Variants in PCYOX1 observed in about 807,000 individuals in gnomAD.
PCYOX1 encodes prenylcysteine lyase.
PCYOX1 carries 46 observed loss-of-function variants against 46.4 expected under a neutral mutation model. That is an observed-to-expected ratio of 0.99 (90% CI 0.78 to 1.27). The LOEUF is 1.27. PCYOX1 is among the 50% of genes most tolerant of loss of function. The pLI is 0.00. For missense variants in PCYOX1, 658 were observed against 628.3 expected (o/e 1.05, Z -0.51); for synonymous variants, 220 against 231.8 (o/e 0.95, Z 0.46).
At chr2:70,272,528 G>A (rs575692769) in intron 3 of PCYOX1, among the ~76,000 whole-genome samples, 1 of 152,068 alleles carries the variant, frequency 6.6e-6, no homozygotes, top group Non-Finnish European at 1.5e-5. Flanking sequence ...TGTCACCCAG[G>A]CTGGAGTATA....
At chr2:70,272,533 A>C (rs1413561195) in intron 3 of PCYOX1, among the ~76,000 whole-genome samples, 1 of 151,954 alleles carries the variant, frequency 6.6e-6, no homozygotes, top group Non-Finnish European at 1.5e-5. Context: ...CCCAGGCTGG[A>C]GTATATTGGC....
At chr2:70,262,908 G>A (rs1309853209) in intron 3 of PCYOX1, among the ~76,000 whole-genome samples, 1 of 141,298 alleles carries the variant, frequency 7.1e-6, no homozygotes, top group African/African-American at 2.6e-5. Context: ...AACAAAACAT[G>A]TCATATGACC....
At position 70,275,139 on chromosome 2, in the gene PCYOX1, T is replaced by C. The variant is rs768822629; in HGVS notation, c.675T>C (p.Tyr225=). ...TTGCTCCTGTTATGAGGGTCAATTA[T>C]GGCCAAAGCACGGACATCAATGCCT... is the stretch of plus-strand genomic sequence containing the variant. ...EMIAPVMRVN[Y]GQSTDINAFV... The change falls in exon 4 of 6, where the codon TAT becomes TAC. Residue 225 remains tyrosine, a synonymous_variant. Coordinates refer to ENST00000433351, the MANE Select transcript of PCYOX1 (RefSeq NM_016297.4). 4 of 1,614,168 alleles carry C rather than the reference T, an allele frequency of 2.5e-6. No homozygotes were observed. In the East Asian group the frequency reaches 6.7e-5, roughly 27 times the overall value.
At chr2:70,275,246 T>A in intron 4 of PCYOX1, 76 bp downstream of exon 4, 1 of 1,269,356 alleles carries the variant, frequency 7.9e-7, no homozygotes, top group Non-Finnish European at 1.2e-6. Flanking sequence ...GTTCCTGACT[T>A]TAGGCTGTGG....
At chr2:70,258,116 TG>T, upstream of PCYOX1, 1 of 1,427,220 alleles carries the variant, frequency 7.0e-7, no homozygotes, top group Non-Finnish European at 9.5e-7. Context: ...CGCGCAGCGG[TG>T]GGAGGACTGC....
chr2:70,263,687 T>G (rs1696472521), intron 3 of PCYOX1, among the ~76,000 whole-genome samples: 1 of 151,092 alleles, frequency 6.6e-6, no homozygotes, highest in African/African-American at 2.4e-5. Flanking sequence ...TGAGATAGAG[T>G]CTCGTTTTGT....
rs1186486875 is a variant in PCYOX1 at position 70,277,593 on chromosome 2, AT to A, written c.*204del. 8.2e-6 allele frequency: 4 copies of A among 486,840 alleles called. No individual in the cohort carries two copies. The highest frequency in any genetic ancestry group is 2.0e-5 in the African/African-American group (1 of 51,090). 30.2% of individuals were successfully genotyped at this position (486,840 alleles called of 1,614,324 possible). On this transcript the variant is annotated 3_prime_UTR_variant, in exon 6 of 6. Coordinates refer to ENST00000433351, the MANE Select transcript of PCYOX1 (RefSeq NM_016297.4). Reference sequence around the variant, plus strand: ...CTATTGCACTTATGCCATCTCCAAAATTTCTTAAGTATTCTTTCACTATCCA... The same window carrying A: ...CTATTGCACTTATGCCATCTCCAAAATTCTTAAGTATTCTTTCACTATCCA...
At chr2:70,271,375 G>A (rs1696598510) in intron 3 of PCYOX1, among the ~76,000 whole-genome samples, 2 of 150,068 alleles carry the variant, frequency 1.3e-5, no homozygotes, top group South Asian at 4.2e-4. Context: ...AGTCAACACA[G>A]TCATTACTAC....
intron 3 of PCYOX1, among the ~76,000 whole-genome samples, chr2:70,272,969 A>G (rs575432746): frequency 6.6e-6 from 1 of 152,260 alleles, no homozygotes; most frequent in South Asian, 2.1e-4. Flanking sequence ...AAGTGCTAGG[A>G]TTACAGGCAT....
intron 1 of PCYOX1, 24 bp downstream of exon 1, chr2:70,258,300 G>A (rs1696377647): frequency 1.3e-6 from 2 of 1,492,258 alleles, no homozygotes; most frequent in Non-Finnish European, 1.8e-6. Flanking sequence ...GGGCGGCGCG[G>A]GAAGGTGCTG....
intron 3 of PCYOX1, among the ~76,000 whole-genome samples, chr2:70,268,045 G>A (rs1696552720): frequency 6.6e-6 from 1 of 151,906 alleles, no homozygotes; most frequent in Non-Finnish European, 1.5e-5. Flanking sequence ...TCCTGACCTC[G>A]TGATCCACCC....
At chr2:70,257,995 C>G (rs1396134452), upstream of PCYOX1, 2 of 488,554 alleles carry the variant, frequency 4.1e-6, no homozygotes, top group East Asian at 3.8e-5. Flanking sequence ...TGGGGAGCTC[C>G]TGCAGGGTTG....
At chr2:70,262,161 T>C (rs541440482) in intron 3 of PCYOX1, among the ~76,000 whole-genome samples, 1 of 152,302 alleles carries the variant, frequency 6.6e-6, no homozygotes, top group South Asian at 2.1e-4. Context: ...TCTAGTTTTT[T>C]AGTTTTTTTG....
At chr2:70,276,609 ATCTT>A (rs1696675631) in intron 5 of PCYOX1, 121 bp from the exon 6 acceptor site, 4 of 628,446 alleles carry the variant, frequency 6.4e-6, no homozygotes, top group Non-Finnish European at 1.1e-5. Flanking sequence ...AGGGACAACT[ATCTT>A]AAGGGATATA....
At chr2:70,276,475 A>C (rs1332495767) in intron 5 of PCYOX1, among the ~76,000 whole-genome samples, 1 of 152,116 alleles carries the variant, frequency 6.6e-6, no homozygotes, top group Non-Finnish European at 1.5e-5. Flanking sequence ...CAAAGTGCTG[A>C]GATTACAGGT....
chr2:70,266,536 G>A (rs1696525795), intron 3 of PCYOX1, among the ~76,000 whole-genome samples: 1 of 151,948 alleles, frequency 6.6e-6, no homozygotes. Context: ...AGGGTCATAG[G>A]ACAATAGTGG....
chr2:70,265,593 CTTA>C (rs1696511407), intron 3 of PCYOX1, among the ~76,000 whole-genome samples: 2 of 152,172 alleles, frequency 1.3e-5, no homozygotes, highest in Non-Finnish European at 2.9e-5. Context: ...TCAAACATCC[CTTA>C]TTATACGGTG....
chr2:70,263,461 G>A (rs1018790910), intron 3 of PCYOX1, among the ~76,000 whole-genome samples: 4 of 152,040 alleles, frequency 2.6e-5, no homozygotes, highest in Non-Finnish European at 5.9e-5. Flanking sequence ...TGAGAGTATA[G>A]GACCTACAAC....
intron 3 of PCYOX1, 196 bp from the exon 4 acceptor site, chr2:70,274,763 C>A: frequency 1.8e-6 from 1 of 566,472 alleles, no homozygotes; most frequent in South Asian, 2.0e-5. Flanking sequence ...GGGGTTTTGC[C>A]ATGTTGGCCA....
Sources: gnomAD v4.1 joint callset for allele counts (sites outside exome capture counted in the v4.1 genomes callset) on GRCh38, gnomAD v4.1.1 for gene constraint, MANE v1.5 for transcripts, NCBI Gene and HGNC (gene_info 2026-07-23, HGNC 2026-07-21) for gene names.